The following FAM81B variants were observed in gnomAD, a reference collection of about 807,000 sequenced individuals.
The protein encoded by FAM81B is protein FAM81B.
Under a neutral mutation model 58.7 loss-of-function variants are expected in FAM81B, and 60 were observed. The observed-to-expected ratio is 1.02, with a 90% CI of 0.83 to 1.27. FAM81B has a LOEUF of 1.27. Among genes scored for constraint, FAM81B ranks in the 50% most tolerant of loss-of-function variants. The pLI is 0.00. For missense variants in FAM81B, 491 were observed against 522.0 expected (o/e 0.94, Z 0.58); for synonymous variants, 189 against 179.6 (o/e 1.05, Z -0.42).
intron 6 of FAM81B, among the ~76,000 whole-genome samples, chr5:95,434,622 G>C (rs879402485): frequency 6.6e-6 from 1 of 152,110 alleles, no homozygotes; most frequent in Non-Finnish European, 1.5e-5. Flanking sequence ...ACATCTTTTC[G>C]AGCCCATTCT....
At chr5:95,408,615 T>C (rs1301632900) in intron 3 of FAM81B, among the ~76,000 whole-genome samples, 1 of 152,238 alleles carries the variant, frequency 6.6e-6, no homozygotes, top group East Asian at 1.9e-4. Context: ...TAGGCTTGAA[T>C]ACTGGTCCAC....
At position 95,441,260 on chromosome 5, in the gene FAM81B, G is replaced by T. The variant is rs912441023; in HGVS notation, c.893+4354G>T. Reference sequence around the variant, plus strand: ...CCGAGGAACCTCAAACTTTACATGCGCATTTTTCAAAATTAAAACTATGCA... The same window carrying T: ...CCGAGGAACCTCAAACTTTACATGCTCATTTTTCAAAATTAAAACTATGCA... On this transcript the variant is annotated intron_variant, in intron 7 of 9. Coordinates refer to ENST00000283357, the MANE Select transcript of FAM81B (RefSeq NM_152548.3). 2.6e-5 allele frequency among the ~76,000 whole-genome samples: 4 copies of T among 152,012 alleles called. No homozygotes were observed. The East Asian group carries it at 5.8e-4, about 22-fold the overall frequency.
Position 95,392,902 on chromosome 5 carries a change from G to A in FAM81B, c.228+5G>A, listed in dbSNP as rs1341063244. 1 of 1,597,158 alleles carries A rather than the reference G, an allele frequency of 6.3e-7. No homozygotes were observed. The highest frequency in any genetic ancestry group is 1.1e-5 in the South Asian group (1 of 88,574). On this transcript the variant is annotated splice_donor_5th_base_variant and intron_variant, in intron 2 of 9. Coordinates refer to ENST00000283357, the MANE Select transcript of FAM81B (RefSeq NM_152548.3). Reference sequence around the variant, plus strand: ...GACAATAACCAAGAAAAGAAAGCAAGTACTTTTCAATATTCACATTAAAAG... The same window carrying A: ...GACAATAACCAAGAAAAGAAAGCAAATACTTTTCAATATTCACATTAAAAG...
rs760483748 is a variant in FAM81B, at chr5:95,414,094, T to C, written c.441T>C (p.His147=). 3.7e-6 allele frequency: 6 copies of C among 1,614,078 alleles called. No homozygotes were observed. The highest frequency in any genetic ancestry group is 4.2e-6 in the Non-Finnish European group (5 of 1,179,996). Reference sequence around the variant, plus strand: ...TCTCTGCTTGCCTGCAGGGGACCCATGGCTTTCGAAAAGAGGAATCGCTCG... The same window carrying C: ...TCTCTGCTTGCCTGCAGGGGACCCACGGCTTTCGAAAAGAGGAATCGCTCG... ...EDISACLQGT[H]GFRKEESLAR... Residue 147 remains histidine, a synonymous_variant, in exon 4 of 10, where the codon CAT becomes CAC. Coordinates refer to ENST00000283357, the MANE Select transcript of FAM81B (RefSeq NM_152548.3).
intron 4 of FAM81B, among the ~76,000 whole-genome samples, chr5:95,419,877 T>C (rs1582805148): frequency 6.6e-6 from 1 of 152,242 alleles, no homozygotes; most frequent in Non-Finnish European, 1.5e-5. Context: ...AATTGTGAAA[T>C]ACATTTTTGT....
chr5:95,401,043 TGTAA>T (rs1469025510), intron 3 of FAM81B, among the ~76,000 whole-genome samples: 3 of 151,104 alleles, frequency 2.0e-5, no homozygotes, highest in Admixed American at 6.6e-5. Context: ...ATGCTTCACC[TGTAA>T]GTATGACCCA....
chr5:95,420,702 A>G (rs1486344189), intron 5 of FAM81B, among the ~76,000 whole-genome samples: 1 of 143,216 alleles, frequency 7.0e-6, no homozygotes, highest in Non-Finnish European at 1.5e-5. Flanking sequence ...CTTCATAACC[A>G]TGTACGAAAT....
At chr5:95,396,963 T>C (rs921039239) in intron 3 of FAM81B, 2 of 152,330 alleles carry the variant, frequency 1.3e-5, no homozygotes, top group African/African-American at 4.8e-5. Flanking sequence ...TTTAAAATAA[T>C]TCTGATTTTA....
intron 8 of FAM81B, among the ~76,000 whole-genome samples, chr5:95,447,229 T>C (rs1363987329): frequency 6.6e-6 from 1 of 152,184 alleles, no homozygotes; most frequent in Non-Finnish European, 1.5e-5. Context: ...CAGCACACCT[T>C]ACCCAATGGG....
chr5:95,413,902 C>T, intron 3 of FAM81B, 45 bp from the exon 4 acceptor site: 2 of 1,559,532 alleles, frequency 1.3e-6, no homozygotes, highest in Non-Finnish European at 1.7e-6. Context: ...TCCTCCAGCT[C>T]ATTCTTGTAA....
chr5:95,428,858 T>C, intron 6 of FAM81B, 126 bp downstream of exon 6: 1 of 1,268,836 alleles, frequency 7.9e-7, no homozygotes, highest in African/African-American at 1.5e-5. Context: ...AGGGTGTAAT[T>C]CTGACAGCTC....
intron 3 of FAM81B, among the ~76,000 whole-genome samples, chr5:95,407,433 CACAA>C (rs1161777346): frequency 2.6e-5 from 4 of 151,910 alleles, no homozygotes; most frequent in African/African-American, 4.8e-5. Flanking sequence ...CGTGCGCGCA[CACAA>C]ACACACACGC....
intron 6 of FAM81B, among the ~76,000 whole-genome samples, chr5:95,435,743 G>T (rs1745074144): frequency 6.6e-6 from 1 of 151,860 alleles, no homozygotes; most frequent in Admixed American, 6.6e-5. Flanking sequence ...AATGTGTTTT[G>T]CTTTAAGTAA....
chr5:95,449,793 A>G (rs967811947), intron 9 of FAM81B, among the ~76,000 whole-genome samples: 1 of 152,222 alleles, frequency 6.6e-6, no homozygotes, highest in Non-Finnish European at 1.5e-5. Context: ...TTTACCTTCA[A>G]TTTGGTAACA....
chr5:95,417,016 C>G (rs1224099759), intron 4 of FAM81B, among the ~76,000 whole-genome samples: 1 of 152,120 alleles, frequency 6.6e-6, no homozygotes, highest in Non-Finnish European at 1.5e-5. Context: ...TGCACTCCAG[C>G]CTGGGCGACG....
At chr5:95,432,811 A>G (rs1744956136) in intron 6 of FAM81B, among the ~76,000 whole-genome samples, 1 of 151,886 alleles carries the variant, frequency 6.6e-6, no homozygotes, top group African/African-American at 2.4e-5. Flanking sequence ...CTTAACAATG[A>G]TTTTACAATT....
At chr5:95,421,628 G>T (rs1054001335) in intron 5 of FAM81B, among the ~76,000 whole-genome samples, 1 of 151,610 alleles carries the variant, frequency 6.6e-6, no homozygotes, top group Non-Finnish European at 1.5e-5. Context: ...AAGTAAGGGG[G>T]TGGCATATCA....
At chr5:95,419,096 A>T (rs934806509) in intron 4 of FAM81B, among the ~76,000 whole-genome samples, 31 of 152,320 alleles carry the variant, frequency 2.0e-4, no homozygotes, top group African/African-American at 6.5e-4. Context: ...TGTCTTTACC[A>T]AAACAGAAAA....
intron 3 of FAM81B, among the ~76,000 whole-genome samples, chr5:95,403,324 G>T (rs189378757): frequency 2.0e-5 from 3 of 152,320 alleles, no homozygotes; most frequent in African/African-American, 7.2e-5. Flanking sequence ...GAGGAACAGA[G>T]CCATTATATG....
Sources: gnomAD v4.1 joint callset for allele counts (sites outside exome capture counted in the v4.1 genomes callset) on GRCh38, gnomAD v4.1.1 for gene constraint, MANE v1.5 for transcripts, NCBI Gene and HGNC (gene_info 2026-07-23, HGNC 2026-07-21) for gene names.